The following KCP variants were observed in gnomAD, a reference collection of about 807,000 sequenced individuals.
KCP encodes kielin/chordin-like protein.
In KCP, 194 loss-of-function variants were observed where a neutral mutation model predicts 212.7. That is an observed-to-expected ratio of 0.91 (90% CI 0.81 to 1.03). The LOEUF is 1.03. Ranked by LOEUF, KCP falls within the 50% of genes least tolerant of loss-of-function variation. The pLI is 0.00. For missense variants in KCP, 2,080 were observed against 2,162.5 expected (o/e 0.96, Z 0.76); for synonymous variants, 833 against 865.3 (o/e 0.96, Z 0.65).
chr7:128,886,533 G>A lies in KCP; in HGVS notation c.2797C>T (p.Leu933=), dbSNP rs761797732. ...TTGCAGGGAAGGGGTGGGCACTGCA[G>A]CCGCACACAGCTGACCTGGCCAGCC... ...CQAGQVSCVR[L]QCPPLPCKLQ... Residue 933 remains leucine, a synonymous_variant, in exon 26 of 40, where the codon CTG becomes TTG. Transcript: ENST00000610776. The A allele has an allele frequency of 6.4e-7, 1 of 1,551,036 alleles. No homozygotes were observed. The highest frequency in any genetic ancestry group is 1.2e-5 in the South Asian group (1 of 84,062).
At chr7:128,907,554 C>T (rs1171993949) in intron 2 of KCP, 101 bp from the exon 3 acceptor site, 38 of 812,820 alleles carry the variant, frequency 4.7e-5, no homozygotes, top group South Asian at 1.3e-4. Context: ...GAAAGAAGTT[C>T]GCCAATTCCA....
chr7:128,903,658 C>T, intron 7 of KCP, 69 bp downstream of exon 7: 1 of 1,316,026 alleles, frequency 7.6e-7, no homozygotes, highest in Non-Finnish European at 1.0e-6. Context: ...GCAAGGTGGG[C>T]TCTGGAATTC....
intron 38 of KCP, among the ~76,000 whole-genome samples, 199 bp downstream of exon 38, chr7:128,878,359 A>G (rs1332264874): frequency 5.9e-5 from 9 of 152,170 alleles, no homozygotes; most frequent in African/African-American, 1.9e-4. Context: ...TGCCCGGCCA[A>G]TGAGGCCTCT....
intron 1 of KCP, among the ~76,000 whole-genome samples, chr7:128,909,449 G>A (rs530828482): frequency 1.1e-4 from 17 of 152,172 alleles, no homozygotes; most frequent in Non-Finnish European, 1.9e-4. Flanking sequence ...AAAGGCAGAG[G>A]GGATTCTAGG....
intron 37 of KCP, chr7:128,879,188 C>A (rs1251979642): frequency 2.9e-5 from 11 of 376,114 alleles, no homozygotes; most frequent in African/African-American, 2.0e-4. Flanking sequence ...ACCTGAGACA[C>A]CCCCCCAGGA....
rs533440783 is a variant in KCP at position 128,887,718 on chromosome 7, GACAC to G, written c.2513-422_2513-419del. 1.3e-4 allele frequency among the ~76,000 whole-genome samples: 16 copies of G among 122,250 alleles called. No individual in the cohort carries two copies. In the South Asian group the frequency reaches 1.9e-3, roughly 15 times the overall value. The allele number at this position is 122,250 out of a possible 152,430, so 80.2% of individuals were successfully genotyped here. On this transcript the variant is annotated intron_variant, in intron 22 of 39. Coordinates refer to ENST00000610776, the MANE Select transcript of KCP (RefSeq NM_001366122.1). ...ATACCCATATACACACACAGCCATA[GACAC>G]ACACAGCCACACCCACACTCTCATA...
In KCP at chr7:128,880,643, C is replaced by G; in HGVS notation, c.3592G>C (p.Asp1198His). The G allele has an allele frequency of 1.0e-6, 1 of 964,454 alleles. No individual in the cohort carries two copies. The highest frequency in any genetic ancestry group is 1.4e-6 in the Non-Finnish European group (1 of 709,014). The allele number at this position is 964,454 out of a possible 1,614,324, so 59.7% of individuals were successfully genotyped here. Residue 1198 changes from aspartate to histidine, a missense_variant, in exon 33 of 40, where the codon GAC (aspartate) becomes CAC (histidine). By Grantham distance (81) the Asp-to-His change is moderately conservative. Transcript: ENST00000610776. ...CCTTGGCATCGCTCACAGCAGCTGT[C>G]AGCCTGGGGCACCTTCGCCCAGCCA... ...PHGWAKVPQA[D>H]SCCERCQAPT...
At chr7:128,892,473 T>C in intron 16 of KCP, 41 bp downstream of exon 16, 1 of 1,399,660 alleles carries the variant, frequency 7.1e-7, no homozygotes, top group Non-Finnish European at 9.6e-7. Flanking sequence ...CAGCAGCCTC[T>C]GGGGCCCTGA....
At chr7:128,900,211 AAAGC>A (rs1478864778) in intron 8 of KCP, among the ~76,000 whole-genome samples, 16 of 152,398 alleles carry the variant, frequency 1.0e-4, no homozygotes, top group African/African-American at 3.6e-4. Flanking sequence ...CAAATATAAT[AAAGC>A]AAGTCAGTGT....
chr7:128,887,846 C>T (rs1055909899), intron 22 of KCP, among the ~76,000 whole-genome samples: 1 of 147,860 alleles, frequency 6.8e-6, no homozygotes, highest in Admixed American at 6.6e-5. Flanking sequence ...CACACACATA[C>T]ACACATACCC....
chr7:128,908,251 G>GAAGAAAGAAAGAAAGA (rs370653893), intron 2 of KCP, among the ~76,000 whole-genome samples, 175 bp downstream of exon 2: 11,149 of 100,898 alleles, frequency 0.11, 937 homozygotes, highest in South Asian at 0.13. Context: ...AAGAAAGAAA[G>GAAGAAAGAAAGAAAGA]AAGAAAGAAA....
intron 8 of KCP, 74 bp from the exon 9 acceptor site, chr7:128,894,367 G>T: frequency 8.5e-7 from 1 of 1,176,382 alleles, no homozygotes; most frequent in Non-Finnish European, 1.2e-6. Context: ...TAGAATCCCA[G>T]CTATCCACTT....
chr7:128,881,992 C>T lies in KCP; in HGVS notation c.3269G>A (p.Gly1090Asp), dbSNP rs1585197688. 9 of 1,551,216 alleles carry T rather than the reference C, an allele frequency of 5.8e-6. No homozygotes were observed. Among genetic ancestry groups the T allele is most frequent in the African/African-American group, 4.1e-5 (3 of 73,134 alleles). Residue 1090 changes from glycine to aspartate, a missense_variant, in exon 30 of 40, where the codon GGC becomes GAC. Physicochemically the swap from Gly to Asp is moderately conservative, Grantham distance 94. Coordinates refer to ENST00000610776, the MANE Select transcript of KCP (RefSeq NM_001366122.1). ...CAEALSNCSEGLLGSELAPPD... is the reference protein window; with the variant it reads ...CAEALSNCSEDLLGSELAPPD... ...TGGGGCTAGCTCAGATCCCAGCAGGCCCTCTGAACAGTTACTCAAGGCCTC... is the reference window on the plus strand; with the variant it reads ...TGGGGCTAGCTCAGATCCCAGCAGGTCCTCTGAACAGTTACTCAAGGCCTC...
intron 5 of KCP, among the ~76,000 whole-genome samples, chr7:128,905,675 C>T (rs6467216): frequency 0.24 from 36,525 of 151,804 alleles, 5,434 homozygotes; most frequent in East Asian, 0.52. Flanking sequence ...CTTCAGCCTT[C>T]AATACCCCCC....
At chr7:128,894,126 C>T (rs1167255982) in intron 9 of KCP, 71 bp from the exon 10 acceptor site, 3 of 1,513,534 alleles carry the variant, frequency 2.0e-6, no homozygotes, top group African/African-American at 2.8e-5. Context: ...TCATGGGCCC[C>T]CGAGCAGGGC....
intron 11 of KCP, 149 bp downstream of exon 11, chr7:128,893,657 T>TGGCACCATGCTGGG: frequency 1.0e-6 from 1 of 991,804 alleles, no homozygotes; most frequent in Non-Finnish European, 1.5e-6. Flanking sequence ...CCCAGCATGG[T>TGGCACCATGCTGGG]GCCAGTTTGC....
At chr7:128,885,051 A>C in intron 27 of KCP, 46 bp downstream of exon 27, 1 of 1,548,862 alleles carries the variant, frequency 6.5e-7, no homozygotes, top group South Asian at 1.2e-5. Flanking sequence ...GTGTGGGCCC[A>C]GGGCTCCCTC....
chr7:128,904,269 A>G, intron 5 of KCP, 131 bp from the exon 6 acceptor site: 1 of 1,551,328 alleles, frequency 6.4e-7, no homozygotes. Context: ...AGGGCAGGAC[A>G]GGGCAGGAGG....
rs768634884 is a variant in KCP at position 128,887,215 on chromosome 7, C to T, written c.2598G>A (p.Gln866=). The change falls in exon 23 of 40, where the codon CAG becomes CAA. Residue 866 remains glutamine, a splice_region_variant and synonymous_variant. Transcript: ENST00000610776. The part of the protein sequence containing the change: ...LDPTCSLCTC[Q]EGSMRCQKKP... ...CAAGGTCCTAAAGGGGCTGCCTCAC[C>T]TGGCAGGTGCAGAGGGAGCAGGTAG... 3 of 1,551,446 alleles carry T rather than the reference C, an allele frequency of 1.9e-6. No individual in the cohort carries two copies. The highest frequency in any genetic ancestry group is 2.6e-6 in the Non-Finnish European group (3 of 1,146,806).
Sources: gnomAD v4.1 joint callset for allele counts (sites outside exome capture counted in the v4.1 genomes callset) on GRCh38, gnomAD v4.1.1 for gene constraint, MANE v1.5 for transcripts, NCBI Gene and HGNC (gene_info 2026-07-23, HGNC 2026-07-21) for gene names.